NBDY: variants seen among roughly 807,000 people sequenced by gnomAD.
NBDY encodes negative regulator of P-body association, also known as P-body dissociating protein.
intron 2 of NBDY, among the ~76,000 whole-genome samples, chrX:56,753,906 G>A (rs1452257130): frequency 9.0e-6 from 1 of 111,260 alleles, no homozygotes; most frequent in East Asian, 2.8e-4. Context: ...ATTGAAGAGT[G>A]CATGGAGGAG....
At position 56,739,236 on chromosome X, in the gene NBDY, GTGTA is replaced by G. The variant is rs1341991046; in HGVS notation, c.*166+7039_*166+7042del. ...TATACATATATATGTGTGTTTGTGT[GTGTA>G]TATATATATATATATATATATATGT... On this transcript the variant is annotated intron_variant, in intron 2 of 2. Transcript: ENST00000374922. 4.3e-4 allele frequency among the ~76,000 whole-genome samples: 25 copies of G among 58,086 alleles called. 1 individual carries two copies. The highest frequency in any genetic ancestry group is 1.4e-3 in the African/African-American group (20 of 14,708). 50.4% of individuals were successfully genotyped at this position (58,086 alleles called of 115,157 possible).
At chrX:56,740,411 T>TGGAAA (rs2069525938) in intron 2 of NBDY, among the ~76,000 whole-genome samples, 5 of 111,776 alleles carry the variant, frequency 4.5e-5, no homozygotes, top group African/African-American at 1.6e-4. Flanking sequence ...CAACTAGTGT[T>TGGAAA]TTATGTGTGC....
rs552111166 is a variant in NBDY, at chrX:56,765,543, G to T, written c.*166+33344G>T. On this transcript the variant is annotated intron_variant, in intron 2 of 2. Coordinates refer to ENST00000374922, the MANE Select transcript of NBDY (RefSeq NM_001348129.2). ...TAAGCCGGATGTCAGAAGTGGCTCCGTGCCCCTCGTTGTATGTCACCACGC... is the reference window on the plus strand; with the variant it reads ...TAAGCCGGATGTCAGAAGTGGCTCCTTGCCCCTCGTTGTATGTCACCACGC... Among the ~76,000 whole-genome samples, 3 of 111,714 alleles carry T rather than the reference G, an allele frequency of 2.7e-5. No individual in the cohort carries two copies. In the East Asian group the frequency reaches 8.5e-4, roughly 32 times the overall value.
At chrX:56,743,787 T>C (rs997919127) in intron 2 of NBDY, among the ~76,000 whole-genome samples, 2 of 111,306 alleles carry the variant, frequency 1.8e-5, no homozygotes, top group African/African-American at 6.5e-5. Context: ...TTCATTTATT[T>C]CGGCTCTGGT....
At chrX:56,766,508 C>A (rs1318426279) in intron 2 of NBDY, among the ~76,000 whole-genome samples, 4 of 111,710 alleles carry the variant, frequency 3.6e-5, no homozygotes, top group African/African-American at 6.5e-5. Context: ...AGTAAGCTCA[C>A]AAAATCAAAG....
intron 2 of NBDY, among the ~76,000 whole-genome samples, chrX:56,740,883 C>A (rs2069529084): frequency 9.1e-6 from 1 of 110,480 alleles, no homozygotes; most frequent in Non-Finnish European, 1.9e-5. Context: ...TTTAATTATA[C>A]AGTTATATTA....
intron 2 of NBDY, among the ~76,000 whole-genome samples, chrX:56,763,799 T>C (rs776396190): frequency 8.9e-6 from 1 of 112,635 alleles, no homozygotes; most frequent in African/African-American, 3.2e-5. Context: ...ACCAGGTGAC[T>C]GATTCCTTTC....
intron 2 of NBDY, among the ~76,000 whole-genome samples, chrX:56,781,300 A>G (rs1432388485): frequency 9.0e-6 from 1 of 111,587 alleles, no homozygotes; most frequent in Non-Finnish European, 1.9e-5. Context: ...TTAAGCTTTC[A>G]CGTTCCCTCC....
chrX:56,805,995 G>A (rs1468448589), intron 2 of NBDY, among the ~76,000 whole-genome samples: 4 of 109,906 alleles, frequency 3.6e-5, no homozygotes, highest in South Asian at 4.0e-4. Context: ...GACAGGCCCC[G>A]GTGTGTGATG....
intron 2 of NBDY, among the ~76,000 whole-genome samples, chrX:56,756,071 C>T (rs1423508098): frequency 2.1e-5 from 2 of 97,018 alleles, no homozygotes; most frequent in African/African-American, 7.7e-5. Context: ...TGTTCTCACT[C>T]ATAGGTGGGA....
At chrX:56,815,641 A>G (rs2069907367) in intron 2 of NBDY, among the ~76,000 whole-genome samples, 1 of 112,073 alleles carries the variant, frequency 8.9e-6, no homozygotes. Context: ...TGTCTCAGTT[A>G]TGTTCATTTT....
intron 2 of NBDY, among the ~76,000 whole-genome samples, chrX:56,807,960 A>T (rs2069862416): frequency 8.9e-6 from 1 of 111,757 alleles, no homozygotes; most frequent in Non-Finnish European, 1.9e-5. Flanking sequence ...GTTTGTCATG[A>T]ATAGCTCTTA....
chrX:56,815,358 A>T (rs912951493), intron 2 of NBDY, among the ~76,000 whole-genome samples: 1 of 111,744 alleles, frequency 8.9e-6, no homozygotes, highest in Non-Finnish European at 1.9e-5. Context: ...TGACTAAGAA[A>T]TTTTGGATTA....
At chrX:56,754,364 C>A (rs1484392570) in intron 2 of NBDY, among the ~76,000 whole-genome samples, 2 of 112,095 alleles carry the variant, frequency 1.8e-5, no homozygotes, top group African/African-American at 3.2e-5. Flanking sequence ...CCTAACAGCA[C>A]TGTCCCATAG....
intron 1 of NBDY, among the ~76,000 whole-genome samples, chrX:56,731,348 C>G (rs981939447): frequency 3.5e-4 from 36 of 102,592 alleles, no homozygotes; most frequent in African/African-American, 1.3e-3. Flanking sequence ...CACCTAAGGT[C>G]AGGAGTTCGA....
At chrX:56,736,324 GC>G (rs1372869797) in intron 2 of NBDY, among the ~76,000 whole-genome samples, 11 of 111,940 alleles carry the variant, frequency 9.8e-5, no homozygotes, top group African/African-American at 3.2e-4. Context: ...AAGTGCAGTG[GC>G]GCAATCTAGG....
chrX:56,744,558 G>A (rs2069547115), intron 2 of NBDY, among the ~76,000 whole-genome samples: 1 of 111,182 alleles, frequency 9.0e-6, no homozygotes, highest in African/African-American at 3.3e-5. Context: ...GTTTGTTTCT[G>A]AATTTACCAA....
intron 2 of NBDY, among the ~76,000 whole-genome samples, chrX:56,783,048 C>T (rs2069704455): frequency 8.9e-6 from 1 of 112,869 alleles, no homozygotes; most frequent in Non-Finnish European, 1.9e-5. Context: ...CATTATCGTA[C>T]ACAGACACAC....
At chrX:56,739,236 G>GTGTATATATATATATATATATATGTA (rs2069515469) in intron 2 of NBDY, among the ~76,000 whole-genome samples, 1 of 58,086 alleles carries the variant, frequency 1.7e-5, no homozygotes, top group African/African-American at 6.8e-5. Context: ...GTGTTTGTGT[G>GTGTATATATATATATATATATATGTA]TGTATATATA....
Sources: gnomAD v4.1 joint callset for allele counts (sites outside exome capture counted in the v4.1 genomes callset) on GRCh38, gnomAD v4.1.1 for gene constraint, MANE v1.5 for transcripts, NCBI Gene and HGNC (gene_info 2026-07-23, HGNC 2026-07-21) for gene names.